The following UNC5D variants were observed in gnomAD, a reference collection of about 807,000 sequenced individuals.
The protein encoded by UNC5D is netrin receptor UNC5D.
In UNC5D, 39 loss-of-function variants were observed where a neutral mutation model predicts 105.4. The ratio of observed to expected loss-of-function variants is 0.37; its 90% CI spans 0.29 to 0.48. The LOEUF is 0.48. Among genes scored for constraint, UNC5D ranks in the 20% least tolerant of loss-of-function variants. The pLI is 0.98. For synonymous variants in UNC5D, 452 were observed against 450.4 expected (o/e 1.00, Z -0.04); for missense variants, 991 against 1,202.4 (o/e 0.82, Z 2.60).
At chr8:35,675,841 A>G (rs967599583) in intron 4 of UNC5D, among the ~76,000 whole-genome samples, 5 of 151,956 alleles carry the variant, frequency 3.3e-5, no homozygotes, top group African/African-American at 1.2e-4. Context: ...TAAGAACAAG[A>G]ACAGAAGCAT....
At chr8:35,634,290 C>T (rs183737945) in intron 4 of UNC5D, among the ~76,000 whole-genome samples, 5 of 152,332 alleles carry the variant, frequency 3.3e-5, no homozygotes, top group East Asian at 3.9e-4. Flanking sequence ...GCACGGCACA[C>T]GCATTTTCCC....
intron 4 of UNC5D, among the ~76,000 whole-genome samples, chr8:35,664,912 A>G (rs980770295): frequency 6.6e-5 from 10 of 152,054 alleles, no homozygotes; most frequent in Middle Eastern, 3.2e-3. Flanking sequence ...TGGTTTGATC[A>G]TAACTCAAAC....
At chr8:35,264,138 A>G (rs1242673526) in intron 1 of UNC5D, among the ~76,000 whole-genome samples, 2 of 152,220 alleles carry the variant, frequency 1.3e-5, no homozygotes, top group African/African-American at 4.8e-5. Flanking sequence ...GAGTGAAAGC[A>G]TGGGCTCATC....
intron 9 of UNC5D, 90 bp from the exon 10 acceptor site, chr8:35,726,062 A>G: frequency 6.7e-7 from 1 of 1,496,818 alleles, no homozygotes; most frequent in Non-Finnish European, 8.9e-7. Flanking sequence ...GCACCTATGC[A>G]GGCTGTTGCG....
chr8:35,512,491 T>C (rs1224555582), intron 1 of UNC5D, among the ~76,000 whole-genome samples: 1 of 115,708 alleles, frequency 8.6e-6, no homozygotes, highest in African/African-American at 3.5e-5. Context: ...TATATATATA[T>C]ATATATATAT....
rs1806902429 is a variant in UNC5D at position 35,289,799 on chromosome 8, A to G, written c.103+53912A>G. Among the ~76,000 whole-genome samples the G allele has an allele frequency of 2.0e-5, 3 of 152,270 alleles. No homozygotes were observed. In the East Asian group the frequency reaches 5.8e-4, roughly 29 times the overall value. ...ATAGGTATATGAACAAATGCTCAGCATTGCAAATCATTAGAAAAATCGAAA... is the reference window on the plus strand; with the variant it reads ...ATAGGTATATGAACAAATGCTCAGCGTTGCAAATCATTAGAAAAATCGAAA... On this transcript the variant is annotated intron_variant, in intron 1 of 16. Transcript: ENST00000404895.
At chr8:35,409,682 AGTCTCTGGCTT>A (rs1805033664) in intron 1 of UNC5D, among the ~76,000 whole-genome samples, 2 of 151,808 alleles carry the variant, frequency 1.3e-5, no homozygotes, top group African/African-American at 2.4e-5. Context: ...ATTTTTTCCC[AGTCTCTGGCTT>A]GTCTTTTCAT....
Position 35,668,398 on chromosome 8 carries a change from G to T in UNC5D, c.571-15149G>T, listed in dbSNP as rs549584388. ...CTTTATGTTGGTATAACGACACTTT[G>T]TCATGCTGCAAACATTTTTTAAACT... On this transcript the variant is annotated intron_variant, in intron 4 of 16. Coordinates refer to ENST00000404895, the MANE Select transcript of UNC5D (RefSeq NM_080872.4). Among the ~76,000 whole-genome samples, 284 of 152,148 alleles carry T rather than the reference G, an allele frequency of 1.9e-3. 2 individuals are homozygous for T. Among genetic ancestry groups the T allele is most frequent in the African/African-American group, 6.3e-3 (263 of 41,544 alleles).
chr8:35,488,366 G>A (rs549650599), intron 1 of UNC5D, among the ~76,000 whole-genome samples: 2 of 152,210 alleles, frequency 1.3e-5, no homozygotes, highest in Non-Finnish European at 2.9e-5. Flanking sequence ...GTGAACATGG[G>A]TTATCTTTCA....
chr8:35,767,168 T>A, intron 15 of UNC5D, 102 bp downstream of exon 15: 1 of 1,329,000 alleles, frequency 7.5e-7, no homozygotes, highest in Non-Finnish European at 1.0e-6. Flanking sequence ...TGAAAGAGCT[T>A]CAAAATGCAC....
At chr8:35,295,612 A>G (rs899742581) in intron 1 of UNC5D, among the ~76,000 whole-genome samples, 5 of 152,178 alleles carry the variant, frequency 3.3e-5, no homozygotes, top group African/African-American at 1.2e-4. Context: ...CACATTGTGA[A>G]GTGGTAACTA....
intron 1 of UNC5D, among the ~76,000 whole-genome samples, chr8:35,351,990 C>T (rs942788146): frequency 5.3e-5 from 8 of 152,102 alleles, no homozygotes; most frequent in African/African-American, 1.7e-4. Context: ...AAGTGATTCA[C>T]ATATTTCAAT....
Position 35,431,139 on chromosome 8 carries a change from T to C in UNC5D, c.104-118153T>C, listed in dbSNP as rs537158169. ...TAATAAGATAAACCAGGAATCTTTA[T>C]TGACATCTGCTTCAGTTTCCATTTT... is the stretch of plus-strand genomic sequence containing the variant. On this transcript the variant is annotated intron_variant, in intron 1 of 16. Transcript: ENST00000404895. Among the ~76,000 whole-genome samples the C allele has an allele frequency of 7.2e-5, 11 of 152,342 alleles. No homozygotes were observed. In the East Asian group the frequency reaches 1.4e-3, roughly 19 times the overall value.
At chr8:35,474,474 G>GATGGTCTTTATATAT (rs1809949105) in intron 1 of UNC5D, among the ~76,000 whole-genome samples, 1 of 152,142 alleles carries the variant, frequency 6.6e-6, no homozygotes, top group East Asian at 1.9e-4. Flanking sequence ...TTTGAGATAC[G>GATGGTCTTTATATAT]ATGTATATGA....
At chr8:35,668,390 G>C (rs146614527) in intron 4 of UNC5D, among the ~76,000 whole-genome samples, 1 of 152,098 alleles carries the variant, frequency 6.6e-6, no homozygotes, top group Non-Finnish European at 1.5e-5. Context: ...TTGGTATAAC[G>C]ACACTTTGTC....
At chr8:35,355,952 C>T (rs906697969) in intron 1 of UNC5D, among the ~76,000 whole-genome samples, 4 of 152,084 alleles carry the variant, frequency 2.6e-5, no homozygotes, top group African/African-American at 9.7e-5. Flanking sequence ...TCTTGGACTT[C>T]CCAGCCTTCA....
chr8:35,790,286 T>G (rs1190674660), intron 16 of UNC5D, 73 bp from the exon 17 acceptor site: 1 of 1,474,908 alleles, frequency 6.8e-7, no homozygotes, highest in Non-Finnish European at 9.4e-7. Context: ...TTTAATTCTC[T>G]TATGGTGATC....
intron 16 of UNC5D, among the ~76,000 whole-genome samples, chr8:35,789,173 A>ATATATG (rs1802906151): frequency 5.4e-5 from 5 of 92,110 alleles, no homozygotes; most frequent in African/African-American, 2.3e-4. Flanking sequence ...ATATATATAT[A>ATATATG]TATATATATA....
intron 4 of UNC5D, among the ~76,000 whole-genome samples, chr8:35,656,973 T>A (rs575544635): frequency 6.6e-6 from 1 of 150,576 alleles, no homozygotes; most frequent in African/African-American, 2.4e-5. Flanking sequence ...ATTTGGCACT[T>A]TACCATAATA....
Sources: gnomAD v4.1 joint callset for allele counts (sites outside exome capture counted in the v4.1 genomes callset) on GRCh38, gnomAD v4.1.1 for gene constraint, MANE v1.5 for transcripts, NCBI Gene and HGNC (gene_info 2026-07-23, HGNC 2026-07-21) for gene names.